Variants in TOGARAM2 observed in about 807,000 individuals in gnomAD.
The protein encoded by TOGARAM2 is TOG array regulator of axonemal microtubules protein 2.
Under a neutral mutation model 93.3 loss-of-function variants are expected in TOGARAM2, and 85 were observed. That is an observed-to-expected ratio of 0.91 (90% CI 0.76 to 1.09). The LOEUF is 1.09. Ranked by LOEUF, TOGARAM2 falls within the 50% of genes least tolerant of loss-of-function variation. The probability of loss-of-function intolerance (pLI) is 0.00; values close to 1 mark genes in which losing one functional copy is unlikely to be tolerated. For missense variants in TOGARAM2, 1,277 were observed against 1,334.5 expected (o/e 0.96, Z 0.67); for synonymous variants, 593 against 552.8 (o/e 1.07, Z -1.02).
chr2:28,970,450 C>T (rs533214371), intron 1 of TOGARAM2, among the ~76,000 whole-genome samples: 1 of 152,242 alleles, frequency 6.6e-6, no homozygotes, highest in South Asian at 2.1e-4. Context: ...CTTAGACTGG[C>T]AAATAATAAG....
At chr2:28,959,789 C>T (rs1419980284) in intron 1 of TOGARAM2, among the ~76,000 whole-genome samples, 1 of 152,108 alleles carries the variant, frequency 6.6e-6, no homozygotes, top group Non-Finnish European at 1.5e-5. Context: ...ATATACACGC[C>T]ACTTAAAGTA....
chr2:28,973,385 TTCTTTCCTCCCTTCCTTCC>T (rs1362348576), intron 1 of TOGARAM2, among the ~76,000 whole-genome samples: 18 of 56,652 alleles, frequency 3.2e-4, no homozygotes, highest in African/African-American at 1.2e-3. Flanking sequence ...CCTTCCTTCC[TTCTTTCCTCCCTTCCTTCC>T]TTCCTCCTTT....
At chr2:28,957,011 G>A (rs1409073206) in intron 1 of TOGARAM2, among the ~76,000 whole-genome samples, 1 of 151,888 alleles carries the variant, frequency 6.6e-6, no homozygotes, top group East Asian at 2.0e-4. Context: ...TGTAATCCCA[G>A]GAGAATTGCT....
In TOGARAM2 at chr2:29,015,324, G is replaced by A. The variant is rs973207927; in HGVS notation, c.1044+763G>A. Among the ~76,000 whole-genome samples, 4 of 152,140 alleles carry A rather than the reference G, an allele frequency of 2.6e-5. 1 individual carries two copies. The South Asian group carries it at 6.2e-4, about 24-fold the overall frequency. On this transcript the variant is annotated intron_variant, in intron 8 of 19. Transcript: ENST00000379558. ...CTGCGCTCCCTCCTGTGGCCACATC[G>A]TAGGCCTTGGCATTCTAAAGTGTGT...
Position 29,038,683 on chromosome 2 carries a change from G to A in TOGARAM2, c.2635+1926G>A, listed in dbSNP as rs556285753. Among the ~76,000 whole-genome samples, 6 of 152,140 alleles carry A rather than the reference G, an allele frequency of 3.9e-5. No homozygotes were observed. In the East Asian group the frequency reaches 7.7e-4, roughly 20 times the overall value. ...TGGTCTTGAACTCCTGACCTCAGGC[G>A]ATCCATCTGCCTCGGCCTCCCAAAG... On this transcript the variant is annotated intron_variant, in intron 18 of 19. Coordinates refer to ENST00000379558, the MANE Select transcript of TOGARAM2 (RefSeq NM_199280.4).
chr2:28,983,177 A>AATAAATAAAT (rs781160203), intron 1 of TOGARAM2, among the ~76,000 whole-genome samples: 1 of 32,392 alleles, frequency 3.1e-5, no homozygotes, highest in Non-Finnish European at 5.3e-5. Context: ...TGTATATATA[A>AATAAATAAAT]ATATATATAT....
At chr2:28,983,208 T>A (rs1471025495) in intron 1 of TOGARAM2, among the ~76,000 whole-genome samples, 26,331 of 61,314 alleles carry the variant, frequency 0.43, 4,036 homozygotes, top group Middle Eastern at 0.54. Context: ...ATTTTTTTTT[T>A]TTTTTTTTTT....
At chr2:29,040,125 C>T (rs751953356) in intron 18 of TOGARAM2, among the ~76,000 whole-genome samples, 4 of 152,130 alleles carry the variant, frequency 2.6e-5, no homozygotes, top group African/African-American at 4.8e-5. Flanking sequence ...GGTGCTCCTC[C>T]AATATACCAA....
At chr2:29,045,543 C>G in intron 19 of TOGARAM2, 133 bp downstream of exon 19, 2 of 792,646 alleles carry the variant, frequency 2.5e-6, no homozygotes, top group South Asian at 3.0e-5. Flanking sequence ...TTTTGAAAAT[C>G]TGCTTTTTTT....
At chr2:28,990,435 A>G (rs1672664730) in intron 1 of TOGARAM2, among the ~76,000 whole-genome samples, 1 of 152,118 alleles carries the variant, frequency 6.6e-6, no homozygotes, top group Non-Finnish European at 1.5e-5. Context: ...ACCCTCTCAC[A>G]GAGCATTCTG....
chr2:29,041,412 A>T (rs991300633), intron 18 of TOGARAM2, among the ~76,000 whole-genome samples: 139 of 152,206 alleles, frequency 9.1e-4, no homozygotes, highest in African/African-American at 3.0e-3. Context: ...TTTTCTTTAG[A>T]TGAACATCCC....
At position 29,022,279 on chromosome 2, in the gene TOGARAM2, T is replaced by C; in HGVS notation, c.1482T>C (p.Asp494=). 1 of 1,613,982 alleles carries C rather than the reference T, an allele frequency of 6.2e-7. No individual in the cohort carries two copies. The highest frequency in any genetic ancestry group is 8.5e-7 in the Non-Finnish European group (1 of 1,179,876). ...CGAACCCGGAGCTGGGGCTGAGGGA[T>C]GCACTCCAGTGCCTCAACAGCAGTG... The part of the protein sequence containing the change: ...PFSNPELGLR[D]ALQCLNSSDW... The change falls in exon 11 of 20, where the codon GAT becomes GAC. Residue 494 remains aspartate (D), a synonymous_variant. Transcript: ENST00000379558.
At chr2:29,045,181 C>T in intron 18 of TOGARAM2, 143 bp from the exon 19 acceptor site, 2 of 635,244 alleles carry the variant, frequency 3.1e-6, no homozygotes, top group Non-Finnish European at 5.5e-6. Flanking sequence ...TTAAGTGGCC[C>T]CTTTGTGACC....
chr2:28,967,036 C>G (rs774046255), intron 1 of TOGARAM2, among the ~76,000 whole-genome samples: 5 of 152,188 alleles, frequency 3.3e-5, no homozygotes, highest in Non-Finnish European at 7.3e-5. Flanking sequence ...AATTTTATTT[C>G]ATTAGAAAAA....
chr2:29,033,203 T>A (rs562954176), intron 15 of TOGARAM2, among the ~76,000 whole-genome samples, 152 bp downstream of exon 15: 7 of 152,250 alleles, frequency 4.6e-5, no homozygotes, highest in African/African-American at 1.7e-4. Flanking sequence ...ATAGATGTGA[T>A]TTCTGTCCTC....
intron 8 of TOGARAM2, among the ~76,000 whole-genome samples, chr2:29,016,053 T>G (rs1433795274): frequency 1.3e-5 from 2 of 152,156 alleles, no homozygotes; most frequent in East Asian, 3.8e-4. Context: ...AAGTGCCTAA[T>G]TATACTTCCA....
intron 1 of TOGARAM2, among the ~76,000 whole-genome samples, chr2:28,961,730 A>G (rs1378314765): frequency 6.6e-6 from 1 of 152,238 alleles, no homozygotes; most frequent in Non-Finnish European, 1.5e-5. Flanking sequence ...TCACAACACA[A>G]TCCAGATACA....
At chr2:28,995,652 A>C (rs1672954951) in intron 2 of TOGARAM2, among the ~76,000 whole-genome samples, 1 of 152,236 alleles carries the variant, frequency 6.6e-6, no homozygotes, top group Non-Finnish European at 1.5e-5. Flanking sequence ...AAATCTAGAA[A>C]TAGGATAAAG....
Position 28,959,109 on chromosome 2 carries a change from G to A in TOGARAM2, c.-147+2412G>A, listed in dbSNP as rs146609325. Among the ~76,000 whole-genome samples, 356 of 152,240 alleles carry A rather than the reference G, an allele frequency of 2.3e-3. 2 individuals are homozygous for A. Among genetic ancestry groups the A allele is most frequent in the African/African-American group, 8.0e-3 (332 of 41,550 alleles). On this transcript the variant is annotated intron_variant, in intron 1 of 6. Coordinates refer to the TOGARAM2 transcript ENST00000401723. ...GCTGCACCTCCAGTTTCCCTGGCCTGGCTGTACCCTCCCTGGACCTGACCA... is the reference window on the plus strand; with the variant it reads ...GCTGCACCTCCAGTTTCCCTGGCCTAGCTGTACCCTCCCTGGACCTGACCA...
Sources: gnomAD v4.1 joint callset for allele counts (sites outside exome capture counted in the v4.1 genomes callset) on GRCh38, gnomAD v4.1.1 for gene constraint, MANE v1.5 for transcripts, NCBI Gene and HGNC (gene_info 2026-07-23, HGNC 2026-07-21) for gene names.